ADAMTS13: variants seen among roughly 807,000 people sequenced by gnomAD.
ADAMTS13 encodes ADAM metallopeptidase with thrombospondin type 1 motif 13.
In ADAMTS13, 110 loss-of-function variants were observed where a neutral mutation model predicts 155.1. The ratio of observed to expected loss-of-function variants is 0.71; its 90% confidence interval spans 0.61 to 0.83. The LOEUF (loss-of-function observed/expected upper bound fraction) is 0.83, where lower values mean the gene tolerates loss of function less well. ADAMTS13 is among the 40% of genes least tolerant of loss of function. The pLI, the probability that ADAMTS13 is intolerant of heterozygous loss-of-function variation, is 0.00. For missense variants in ADAMTS13, 1,707 were observed against 1,891.7 expected (o/e 0.90, Z 1.81); for synonymous variants, 758 against 756.4 (o/e 1.00, Z -0.03).
chr9:133,451,008 A>G (rs1268089480), intron 23 of ADAMTS13, among the ~76,000 whole-genome samples: 1 of 152,212 alleles, frequency 6.6e-6, no homozygotes, highest in African/African-American at 2.4e-5. Context: ...ACACACAGCC[A>G]CACTAGGACA....
chr9:133,423,249 G>C (rs1554784119), intron 2 of ADAMTS13, 82 bp downstream of exon 2: 1 of 1,366,058 alleles, frequency 7.3e-7, no homozygotes, highest in East Asian at 2.3e-5. Context: ...CAGTGGTCTG[G>C]GATTTTTGGT....
At chr9:133,450,760 C>CAACAA (rs1307031603) in intron 23 of ADAMTS13, among the ~76,000 whole-genome samples, 2 of 151,956 alleles carry the variant, frequency 1.3e-5, no homozygotes, top group African/African-American at 4.8e-5. Context: ...AAAAACAAAA[C>CAACAA]AACAAAACAA....
In ADAMTS13 at chr9:133,440,578, G is replaced by A; in HGVS notation, c.1968+53G>A. On this transcript the variant is annotated intron_variant, in intron 16 of 28. Coordinates refer to ENST00000355699, the MANE Select transcript of ADAMTS13 (RefSeq NM_139027.6). This position sits in a 1 kb window ranked among gnomAD's most constrained non-coding sequence, Gnocchi z 4.3. ...GTGGGGGCTTCTTCTTGGGGGCTAT[G>A]GCTGCTTGCTCGTTTGTCTATCCAT... is the stretch of plus-strand genomic sequence containing the variant. 6.6e-7 allele frequency: 1 copy of A among 1,512,634 alleles called. No homozygotes were observed. The highest frequency in any genetic ancestry group is 8.9e-7 in the Non-Finnish European group (1 of 1,125,234). The allele number at this position is 1,512,634 out of a possible 1,614,324, so 93.7% of individuals were successfully genotyped here. A position where few individuals can be genotyped will look rare whatever the true frequency, so the allele number is the denominator to read the frequency against.
chr9:133,438,026 GA>G, intron 13 of ADAMTS13, 129 bp downstream of exon 13: 2 of 1,550,496 alleles, frequency 1.3e-6, no homozygotes, highest in Non-Finnish European at 1.8e-6. Context: ...TGGTGCTGGG[GA>G]AAAGGATCTG....
At chr9:133,438,668 C>T (rs1487229990) in intron 14 of ADAMTS13, among the ~76,000 whole-genome samples, 1 of 152,134 alleles carries the variant, frequency 6.6e-6, no homozygotes, top group Non-Finnish European at 1.5e-5. Flanking sequence ...ACTCCCGGCA[C>T]TTTGGGAGGC....
rs1275762590 is a variant in ADAMTS13, at chr9:133,435,974, CTT to C, written c.1309-854_1309-853del. Among the ~76,000 whole-genome samples, 8 of 146,344 alleles carry C rather than the reference CTT, an allele frequency of 5.5e-5. No individual in the cohort carries two copies. In the East Asian group the frequency reaches 7.9e-4, roughly 14 times the overall value. ...TTTCTGTTGTTGTTTTTTCTTTTCT[CTT>C]CTTTTTTTTTTTTTTTTTTTTAATA... On this transcript the variant is annotated intron_variant, in intron 11 of 28. Coordinates refer to ENST00000355699, the MANE Select transcript of ADAMTS13 (RefSeq NM_139027.6).
In ADAMTS13 at chr9:133,424,142, T is replaced by A. The variant is rs1286172265; in HGVS notation, c.173-179T>A. ...CACACAATAGCCCAACAGCTCCTCC[T>A]GGGCCCTGCCCTTTGCGTGCCTAGT... On this transcript the variant is annotated intron_variant, in intron 2 of 28. Transcript: ENST00000355699. This position sits in a 1 kb window ranked among gnomAD's most constrained non-coding sequence, Gnocchi z 4.3. 6.6e-6 allele frequency among the ~76,000 whole-genome samples: 1 copy of A among 152,232 alleles called. No homozygotes were observed. The highest frequency in any genetic ancestry group is 1.5e-5 in the Non-Finnish European group (1 of 68,030).
intron 21 of ADAMTS13, among the ~76,000 whole-genome samples, chr9:133,446,953 G>A (rs28479961): frequency 6.6e-6 from 1 of 152,108 alleles, no homozygotes; most frequent in Non-Finnish European, 1.5e-5. Context: ...CGCCTCCGGG[G>A]CTCAAGTGAT....
rs34934621 is a variant in ADAMTS13 at position 133,454,478 on chromosome 9, G to A, written c.3108G>A (p.Ser1036=). The change falls in exon 24 of 29, where the codon TCG becomes TCA. Residue 1036 remains serine (S), a synonymous_variant. Coordinates refer to ENST00000355699, the MANE Select transcript of ADAMTS13 (RefSeq NM_139027.6). ...GTGGCCTTGGCACTGCTAGACGCTC[G>A]GTGGCCTGTGTGCAGCTCGACCAAG... is the stretch of plus-strand genomic sequence containing the variant. ...ASCGLGTARR[S]VACVQLDQGQ... is the part of the protein sequence containing the mutation. 70,518 of 1,613,288 alleles carry A rather than the reference G, an allele frequency of 0.044. 1,787 individuals carry two copies. Among genetic ancestry groups the A allele is most frequent in the Non-Finnish European group, 0.052 (61,298 of 1,180,020 alleles).
At position 133,436,880 on chromosome 9, in the gene ADAMTS13, G is replaced by C. The variant is rs782076268; in HGVS notation, c.1360G>C (p.Asp454His). 1 of 1,586,440 alleles carries C rather than the reference G, an allele frequency of 6.3e-7. No individual in the cohort carries two copies. Among genetic ancestry groups the C allele is most frequent in the Non-Finnish European group, 8.6e-7 (1 of 1,167,532 alleles). The change falls in exon 12 of 29, where the codon GAC (aspartate) becomes CAC (histidine). Residue 454 changes from aspartate to histidine, a missense_variant. Asp to His is a moderately conservative substitution (Grantham distance 81). Around this residue, in one of 3 missense-constraint regions of ADAMTS13, gnomAD observed 733 missense variants for 749.6 expected, o/e 0.98. Coordinates refer to ENST00000355699, the MANE Select transcript of ADAMTS13 (RefSeq NM_139027.6). The stretch of plus-strand genomic sequence containing the variant: ...CATGTCGCAACAGTGCGCCAGGACC[G>C]ACGGCCAGCCGCTGCGCTCCTCCCC... The part of the protein sequence containing the change: ...EFMSQQCART[D>H]GQPLRSSPGG...
upstream of ADAMTS13, chr9:133,417,700 G>C (rs1752317585): frequency 6.2e-7 from 1 of 1,614,118 alleles, no homozygotes; most frequent in Admixed American, 1.7e-5. Flanking sequence ...CCGCTTGCTG[G>C]CTTCTTGCTT....
intron 1 of ADAMTS13, 95 bp from the exon 2 acceptor site, chr9:133,423,006 A>G: frequency 2.1e-6 from 2 of 969,648 alleles, no homozygotes; most frequent in Non-Finnish European, 1.6e-6. Flanking sequence ...AAACTCCTGG[A>G]CTCAAGTGAT....
chr9:133,414,766 T>C (rs1299645805), intron 1 of ADAMTS13: 2 of 1,614,084 alleles, frequency 1.2e-6, no homozygotes, highest in Non-Finnish European at 1.7e-6. Context: ...CCTTGGTTCC[T>C]TTCTTATTGT....
At chr9:133,421,810 CT>C (rs1368759902), upstream of ADAMTS13, among the ~76,000 whole-genome samples, 1 of 152,162 alleles carries the variant, frequency 6.6e-6, no homozygotes, top group Non-Finnish European at 1.5e-5. Flanking sequence ...GTGAATCCCC[CT>C]GCTGGTCATC....
intron 2 of ADAMTS13, among the ~76,000 whole-genome samples, chr9:133,423,795 C>A (rs1840103210): frequency 6.6e-6 from 1 of 152,236 alleles, no homozygotes; most frequent in Non-Finnish European, 1.5e-5. Flanking sequence ...ACGCTGGGGG[C>A]TGGATGCAGC....
rs754541465 is a variant in ADAMTS13, at chr9:133,429,984, C to T, written c.870C>T (p.Pro290=). The change falls in exon 8 of 29, where the codon CCC becomes CCT. Residue 290 remains proline (P), a synonymous_variant. Coordinates refer to ENST00000355699, the MANE Select transcript of ADAMTS13 (RefSeq NM_139027.6). ...RCVWDPPRPQ[P]GSAGHPPDAQ... Reference sequence around the variant, plus strand: ...TGTGGGACCCGCCGCGGCCTCAACCCGGGTCCGCGGGGCACCCGCCGGATG... The same window carrying T: ...TGTGGGACCCGCCGCGGCCTCAACCTGGGTCCGCGGGGCACCCGCCGGATG... 1.9e-4 allele frequency: 298 copies of T among 1,552,684 alleles called. No individual in the cohort carries two copies. The highest frequency in any genetic ancestry group is 2.4e-4 in the Non-Finnish European group (280 of 1,153,924).
intron 9 of ADAMTS13, among the ~76,000 whole-genome samples, chr9:133,433,016 G>A (rs1840886799): frequency 6.6e-6 from 1 of 151,262 alleles, no homozygotes; most frequent in Admixed American, 6.6e-5. Context: ...CCCTGTGAGT[G>A]TAGAGTCCCT....
At chr9:133,428,599 G>A in intron 6 of ADAMTS13, 35 bp from the exon 7 acceptor site, 1 of 392,716 alleles carries the variant, frequency 2.5e-6, no homozygotes, top group Non-Finnish European at 3.1e-6. Context: ...CGCCCCTGCC[G>A]GCCGCCTTAG....
In ADAMTS13 at chr9:133,425,538, C is replaced by G. The variant is rs1554784979; in HGVS notation, c.340C>G (p.Leu114Val). 1 of 1,613,388 alleles carries G rather than the reference C, an allele frequency of 6.2e-7. No homozygotes were observed. The highest frequency in any genetic ancestry group is 8.5e-7 in the Non-Finnish European group (1 of 1,179,912). The stretch of plus-strand genomic sequence containing the variant: ...ATCTGCCCTTGCACAGGGGGCAGAA[C>G]TGCTTCGGGACCCGTCCCTGGGGGC... ...VLTNLNIGAELLRDPSLGAQF... is the reference protein window; with the variant it reads ...VLTNLNIGAEVLRDPSLGAQF... Residue 114 changes from leucine (L) to valine (V), a missense_variant, in exon 4 of 29, where the codon CTG (leucine) becomes GTG (valine). By Grantham distance (32) the Leu-to-Val change is conservative. This residue lies in a region of ADAMTS13 where 733 missense variants were observed against 749.6 expected (regional missense o/e 0.98). Transcript: ENST00000355699. The surrounding 1 kb of genome is among the most constrained non-coding windows in gnomAD (Gnocchi z 4.6).
Sources: allele counts gnomAD v4.1 joint callset (sites outside exome capture counted in the v4.1 genomes callset), GRCh38; gene constraint gnomAD v4.1.1; regional missense constraint gnomAD v4.1.1; non-coding constraint Gnocchi (gnomAD v3.1); transcripts MANE v1.5; gene names NCBI Gene and HGNC (gene_info 2026-07-23, HGNC 2026-07-21).